BAZ2B: variants seen among roughly 807,000 people sequenced by gnomAD.
BAZ2B encodes the protein bromodomain adjacent to zinc finger domain protein 2B.
A neutral mutation model predicts 246.0 loss-of-function variants in BAZ2B; 91 were observed. That is an observed-to-expected ratio of 0.37 (90% confidence interval 0.31 to 0.44). BAZ2B has a LOEUF of 0.44. BAZ2B is among the 20% of genes least tolerant of loss of function. The pLI, the probability that BAZ2B is intolerant of heterozygous loss-of-function variation, is 1.00. For synonymous variants in BAZ2B, 855 were observed against 860.0 expected (o/e 0.99, Z 0.10); for missense variants, 2,332 against 2,533.7 (o/e 0.92, Z 1.71).
intron 34 of BAZ2B, among the ~76,000 whole-genome samples, chr2:159,330,241 C>T (rs2064490606): frequency 6.6e-6 from 1 of 152,054 alleles, no homozygotes; most frequent in African/African-American, 2.4e-5. Flanking sequence ...TCACAAATTC[C>T]CACAAAGCAG....
At chr2:159,416,851 A>G (rs1345651037) in intron 13 of BAZ2B, among the ~76,000 whole-genome samples, 2 of 152,226 alleles carry the variant, frequency 1.3e-5, no homozygotes, top group African/African-American at 4.8e-5. Flanking sequence ...GAAAAGAATC[A>G]TTAGGAAAAT....
chr2:159,581,958 T>C, intron 1 of BAZ2B, among the ~76,000 whole-genome samples: 1 of 145,334 alleles, frequency 6.9e-6, no homozygotes, highest in East Asian at 2.3e-4. Context: ...TTAGGAGATA[T>C]ACCTAATGTA....
At chr2:159,579,318 A>T (rs1307220321) in intron 1 of BAZ2B, among the ~76,000 whole-genome samples, 1 of 152,190 alleles carries the variant, frequency 6.6e-6, no homozygotes, top group Non-Finnish European at 1.5e-5. Context: ...TAAACAAGAA[A>T]ATCTAGAAGA....
In BAZ2B at chr2:159,402,595, G is replaced by A. The variant is rs79481758; in HGVS notation, c.2833-1931C>T. Among the ~76,000 whole-genome samples, 867 of 152,266 alleles carry A rather than the reference G, an allele frequency of 5.7e-3. 9 individuals carry two copies. Among genetic ancestry groups the A allele is most frequent in the African/African-American group, 0.019 (806 of 41,552 alleles). On this transcript the variant is annotated intron_variant, in intron 16 of 36. Transcript: ENST00000392783. ...AATTAGAACTTGATATCTGAGAAAA[G>A]TATACTCTTGATCTGACTTTTCTGC...
At chr2:159,525,341 T>C (rs567826382) in intron 2 of BAZ2B, among the ~76,000 whole-genome samples, 3 of 152,294 alleles carry the variant, frequency 2.0e-5, no homozygotes, top group South Asian at 4.1e-4. Context: ...GTTCCTTTTA[T>C]AGCAGTAGCA....
intron 1 of BAZ2B, among the ~76,000 whole-genome samples, chr2:159,595,881 C>A (rs1282924590): frequency 6.6e-6 from 1 of 152,230 alleles, no homozygotes; most frequent in Non-Finnish European, 1.5e-5. Context: ...CTGTACCTCA[C>A]TTATGTTTTC....
intron 1 of BAZ2B, among the ~76,000 whole-genome samples, chr2:159,586,443 C>T (rs1444699805): frequency 6.6e-6 from 1 of 152,080 alleles, no homozygotes. Context: ...AACCTTGCTA[C>T]CAAGCTACCT....
At chr2:159,577,459 C>A (rs1685622296) in intron 1 of BAZ2B, among the ~76,000 whole-genome samples, 1 of 152,224 alleles carries the variant, frequency 6.6e-6, no homozygotes, top group Admixed American at 6.5e-5. Flanking sequence ...GTATGCATTA[C>A]CTTTATAATC....
chr2:159,428,484 ATAAGTT>A, intron 11 of BAZ2B, 65 bp from the exon 12 acceptor site: 1 of 1,325,570 alleles, frequency 7.5e-7, no homozygotes, highest in Non-Finnish European at 1.1e-6. Context: ...AAAATTAAAA[ATAAGTT>A]AAAGTATACA....
the BAZ2B span, among the ~76,000 whole-genome samples, chr2:159,709,250 C>T: frequency 6.6e-6 from 1 of 151,374 alleles, no homozygotes; most frequent in Non-Finnish European, 1.5e-5. Context: ...AAAAATTGTT[C>T]TCAATCAGGT....
intron 4 of BAZ2B, among the ~76,000 whole-genome samples, chr2:159,452,042 G>A (rs1350959252): frequency 1.3e-5 from 2 of 152,060 alleles, no homozygotes; most frequent in African/African-American, 4.8e-5. Context: ...AAACAACCAT[G>A]CTAGAAACTG....
At chr2:159,490,623 C>A (rs79270512) in intron 2 of BAZ2B, among the ~76,000 whole-genome samples, 7 of 152,276 alleles carry the variant, frequency 4.6e-5, no homozygotes, top group Non-Finnish European at 1.0e-4. Context: ...CCTGCTCAAG[C>A]AGTCCTCCCA....
intron 1 of BAZ2B, among the ~76,000 whole-genome samples, chr2:159,593,874 A>G (rs531654556): frequency 6.6e-6 from 1 of 152,308 alleles, no homozygotes; most frequent in South Asian, 2.1e-4. Context: ...AGTTTTTTAA[A>G]AAGCCTACAT....
chr2:159,478,472 G>T, intron 3 of BAZ2B, 103 bp downstream of exon 3: 1 of 1,285,462 alleles, frequency 7.8e-7, no homozygotes, highest in Non-Finnish European at 1.0e-6. Context: ...TATTCAACAG[G>T]TCAATGCAAG....
Position 159,398,761 on chromosome 2 carries a change from C to G in BAZ2B, c.2964+68G>C, listed in dbSNP as rs543025539. 49 of 1,396,016 alleles carry G rather than the reference C, an allele frequency of 3.5e-5. No individual in the cohort carries two copies. The Admixed American group carries it at 3.9e-4, about 11-fold the overall frequency. The allele number at this position is 1,396,016 out of a possible 1,614,324, so 86.5% of individuals were successfully genotyped here. On this transcript the variant is annotated intron_variant, in intron 18 of 36. Coordinates refer to ENST00000392783, the MANE Select transcript of BAZ2B (RefSeq NM_013450.4). ...TGAAGAAAGCTATTTTTTCATATAA[C>G]TGATGCCAGTATAACATATAGTTTT...
rs2150189303 is a variant in BAZ2B at position 159,432,855 on chromosome 2, C to G, written c.1802G>C (p.Ser601Thr). 1.2e-6 allele frequency: 2 copies of G among 1,614,134 alleles called. No individual in the cohort carries two copies. Among genetic ancestry groups the G allele is most frequent in the Non-Finnish European group, 1.7e-6 (2 of 1,180,010 alleles). ...CTCATTTGAATCTTCAGAATCTTTACTACTGGGAATGTCTGAATCTGTTCC... is the reference window on the plus strand; with the variant it reads ...CTCATTTGAATCTTCAGAATCTTTAGTACTGGGAATGTCTGAATCTGTTCC... ...FRGTDSDIPS[S>T]KDSEDSNEDE... The change falls in exon 9 of 37, where the codon AGT becomes ACT. Residue 601 changes from serine (S) to threonine (T), a missense_variant. Physicochemically the swap from Ser to Thr is moderately conservative, Grantham distance 58. Transcript: ENST00000392783.
intron 2 of BAZ2B, among the ~76,000 whole-genome samples, chr2:159,532,163 T>G (rs1031659515): frequency 6.6e-6 from 1 of 152,172 alleles, no homozygotes; most frequent in Non-Finnish European, 1.5e-5. Flanking sequence ...TGATAACATT[T>G]CTAGTTTTGT....
At chr2:159,430,017 G>A (rs2070779794) in intron 10 of BAZ2B, among the ~76,000 whole-genome samples, 1 of 152,078 alleles carries the variant, frequency 6.6e-6, no homozygotes, top group Non-Finnish European at 1.5e-5. Context: ...TTTATAAAAA[G>A]TCAAATGGGA....
At chr2:159,652,702 C>T in the BAZ2B span, among the ~76,000 whole-genome samples, 3 of 152,070 alleles carry the variant, frequency 2.0e-5, no homozygotes, top group Non-Finnish European at 4.4e-5. Flanking sequence ...ACTAACAGCC[C>T]TAACCTCCTG....
Sources: gnomAD v4.1 joint callset for allele counts (sites outside exome capture counted in the v4.1 genomes callset) on GRCh38, gnomAD v4.1.1 for gene constraint, MANE v1.5 for transcripts, NCBI Gene and HGNC (gene_info 2026-07-23, HGNC 2026-07-21) for gene names.